The following MPRIP variants were observed in gnomAD, a reference collection of about 807,000 sequenced individuals.
MPRIP encodes myosin phosphatase Rho interacting protein.
A neutral mutation model predicts 234.9 loss-of-function variants in MPRIP; 59 were observed. That is an observed-to-expected ratio of 0.25 (90% CI 0.20 to 0.31). The LOEUF (loss-of-function observed/expected upper bound fraction) is 0.31, where lower values mean the gene tolerates loss of function less well. MPRIP is among the 10% of genes least tolerant of loss of function. The pLI is 1.00. For missense variants in MPRIP, 2,436 were observed against 3,071.0 expected (o/e 0.79, Z 4.89); for synonymous variants, 1,144 against 1,263.9 (o/e 0.91, Z 2.01).
chr17:17,166,305 G>A lies in MPRIP; in HGVS notation c.4714G>A (p.Glu1572Lys). The A allele has an allele frequency of 7.7e-7, 1 of 1,304,430 alleles. No individual in the cohort carries two copies. The highest frequency in any genetic ancestry group is 1.2e-5 in the South Asian group (1 of 81,028). 80.8% of individuals were successfully genotyped at this position (1,304,430 alleles called of 1,614,324 possible). The part of the protein sequence containing the change: ...VRLLSDQIAL[E>K]ASLISQIADS... ...GCTTCTTTCTGACCAGATTGCTCTG[G>A]AGGCCTCGCTGATCAGCCAGATAGC... The change falls in exon 16 of 24, where the codon GAG becomes AAG. Residue 1572 changes from glutamate to lysine, a missense_variant. Transcript: ENST00000651222. This position sits in a 1 kb window ranked among gnomAD's most constrained non-coding sequence, Gnocchi z 4.4.
chr17:17,088,616 C>G (rs2089645148), intron 3 of MPRIP, among the ~76,000 whole-genome samples: 1 of 152,152 alleles, frequency 6.6e-6, no homozygotes, highest in African/African-American at 2.4e-5. Flanking sequence ...ACTGCAAAGT[C>G]CCCCAGGGGC....
intron 15 of MPRIP, among the ~76,000 whole-genome samples, 182 bp from the exon 16 acceptor site, chr17:17,163,927 C>T (rs1310092798): frequency 3.9e-5 from 3 of 77,872 alleles, no homozygotes; most frequent in African/African-American, 6.5e-5. Context: ...CAGCTACTTA[C>T]TAAAAAAAAA....
intron 19 of MPRIP, among the ~76,000 whole-genome samples, chr17:17,174,979 CT>C (rs1158309944): frequency 1.3e-5 from 2 of 152,170 alleles, no homozygotes; most frequent in African/African-American, 4.8e-5. Flanking sequence ...AACATAGTCC[CT>C]TTCTCACCTG....
At chr17:17,066,293 T>A (rs2089022847) in intron 1 of MPRIP, among the ~76,000 whole-genome samples, 1 of 152,216 alleles carries the variant, frequency 6.6e-6, no homozygotes, top group Non-Finnish European at 1.5e-5. Flanking sequence ...TTTTATGAAA[T>A]TGAGCAAGTT....
intron 1 of MPRIP, among the ~76,000 whole-genome samples, chr17:17,050,863 C>G (rs986542772): frequency 2.0e-5 from 3 of 152,222 alleles, no homozygotes; most frequent in Non-Finnish European, 4.4e-5. Context: ...GGCGTATCCC[C>G]CTCTAAACTG....
At chr17:17,064,030 T>C (rs1051614088) in intron 1 of MPRIP, among the ~76,000 whole-genome samples, 1 of 151,972 alleles carries the variant, frequency 6.6e-6, no homozygotes, top group African/African-American at 2.4e-5. Flanking sequence ...AGAGAAGGGA[T>C]GTGGGTGGCC....
chr17:17,069,281 CTT>C (rs1245019807), intron 1 of MPRIP, among the ~76,000 whole-genome samples: 16 of 152,072 alleles, frequency 1.1e-4, no homozygotes, highest in Middle Eastern at 3.4e-3. Context: ...GGATGTATCA[CTT>C]TTAGTTTTTT....
Position 17,176,476 on chromosome 17 carries a change from T to G in MPRIP, c.6921T>G (p.Ile2307Met). 6.2e-7 allele frequency: 1 copy of G among 1,614,140 alleles called. No homozygotes were observed. Among genetic ancestry groups the G allele is most frequent in the Non-Finnish European group, 8.5e-7 (1 of 1,180,008 alleles). The change falls in exon 21 of 24, where the codon ATT becomes ATG. Residue 2307 changes from isoleucine (I) to methionine (M), a missense_variant. Physicochemically the swap from Ile to Met is conservative, Grantham distance 10. Coordinates refer to ENST00000651222, the MANE Select transcript of MPRIP (RefSeq NM_001364716.4). Reference protein sequence around the residue: ...ESEIQYLKQEISSLKDELQTA... With the variant: ...ESEIQYLKQEMSSLKDELQTA... ...AAATACAGTACCTGAAACAGGAGAT[T>G]AGCTCCCTCAAGGATGAGCTGCAGA... is the stretch of plus-strand genomic sequence containing the variant.
intron 12 of MPRIP, among the ~76,000 whole-genome samples, chr17:17,150,697 CAA>C (rs35336436): frequency 6.5e-4 from 48 of 73,450 alleles, no homozygotes; most frequent in Admixed American, 1.4e-3. Flanking sequence ...GCACTGTTCT[CAA>C]AAAAAAAAAA....
rs2045388911 is a variant in MPRIP at position 17,143,673 on chromosome 17, A to T, written c.1503+4A>T. Reference sequence around the variant, plus strand: ...GTCCACGGAGCCCTCCGTGACGGTGAGCCCAGGCGCCGCGTCCTCCGGAGG... The same window carrying T: ...GTCCACGGAGCCCTCCGTGACGGTGTGCCCAGGCGCCGCGTCCTCCGGAGG... On this transcript the variant is annotated splice_donor_region_variant and intron_variant, in intron 9 of 23. Coordinates refer to ENST00000651222, the MANE Select transcript of MPRIP (RefSeq NM_001364716.4). 1 of 1,586,538 alleles carries T rather than the reference A, an allele frequency of 6.3e-7. No individual in the cohort carries two copies. The highest frequency in any genetic ancestry group is 1.1e-5 in the South Asian group (1 of 87,150).
rs1228754703 is a variant in MPRIP, at chr17:17,172,819, A to G, written c.6590+4A>G. Reference sequence around the variant, plus strand: ...AGGCCCTGCGGCGCCAGTACCTGTAAGTGGCTGGGCCTGCCCATCTGCCCT... The same window carrying G: ...AGGCCCTGCGGCGCCAGTACCTGTAGGTGGCTGGGCCTGCCCATCTGCCCT... On this transcript the variant is annotated splice_donor_region_variant and intron_variant, in intron 18 of 23. Coordinates refer to ENST00000651222, the MANE Select transcript of MPRIP (RefSeq NM_001364716.4). 6.2e-7 allele frequency: 1 copy of G among 1,610,846 alleles called. No individual in the cohort carries two copies. Among genetic ancestry groups the G allele is most frequent in the Non-Finnish European group, 8.5e-7 (1 of 1,179,170 alleles).
At position 17,138,123 on chromosome 17, in the gene MPRIP, CT is replaced by C; in HGVS notation, c.946del (p.Ser316ProfsTer106). On this transcript the variant is annotated frameshift_variant, in exon 7 of 24. Transcript: ENST00000651222. LOFTEE classifies it high-confidence loss of function. This position sits in a 1 kb window ranked among gnomAD's most constrained non-coding sequence, Gnocchi z 5.8. ...SPSQELGGPL[P>X]SPGPRLPHQM... is the part of the protein sequence containing the mutation. ...TCCCAGGAGCTCGGTGGTCCTCTTC[CT>C]TCCCCAGGTCCTCGACTCCCCCACC... 1 of 1,503,100 alleles carries C rather than the reference CT, an allele frequency of 6.7e-7. No homozygotes were observed. Among genetic ancestry groups the C allele is most frequent in the Non-Finnish European group, 9.0e-7 (1 of 1,113,532 alleles). The allele number at this position is 1,503,100 out of a possible 1,614,324, so 93.1% of individuals were successfully genotyped here. A position where few individuals can be genotyped will look rare whatever the true frequency, so the allele number is the denominator to read the frequency against.
At chr17:17,096,660 C>G in intron 3 of MPRIP, 1 of 434,548 alleles carries the variant, frequency 2.3e-6, no homozygotes, top group South Asian at 1.7e-5. Flanking sequence ...GGTTCCACAG[C>G]TGATACTCCG....
intron 15 of MPRIP, 75 bp downstream of exon 15, chr17:17,161,431 T>C: frequency 1.8e-6 from 2 of 1,108,168 alleles, no homozygotes; most frequent in Non-Finnish European, 2.5e-6. Flanking sequence ...TCAGGCAGGC[T>C]AGGAGTGTGC....
At chr17:17,064,506 A>T (rs549654787) in intron 1 of MPRIP, among the ~76,000 whole-genome samples, 23 of 152,170 alleles carry the variant, frequency 1.5e-4, no homozygotes, top group Non-Finnish European at 2.6e-4. Flanking sequence ...CGGCTGGGAT[A>T]CTGACTACAA....
chr17:17,042,872 G>C lies in MPRIP; in HGVS notation c.24G>C (p.Pro8=). The C allele has an allele frequency of 1.2e-6, 2 of 1,601,918 alleles. No homozygotes were observed. The highest frequency in any genetic ancestry group is 1.7e-6 in the Non-Finnish European group (2 of 1,174,956). MSAAKEN[P]CRKFQANIFN... ...CCATGTCGGCAGCCAAGGAGAACCC[G>C]TGCAGGAAATTCCAGGCCAACATCT... The change falls in exon 1 of 24, where the codon CCG becomes CCC. Residue 8 remains proline, a synonymous_variant. Transcript: ENST00000651222.
chr17:17,110,877 A>G (rs930060374), intron 3 of MPRIP, among the ~76,000 whole-genome samples: 1 of 152,170 alleles, frequency 6.6e-6, no homozygotes, highest in African/African-American at 2.4e-5. Context: ...AGGACACTTA[A>G]TGTGATGTGG....
intron 23 of MPRIP, chr17:17,181,423 C>T (rs1223152861): frequency 6.6e-6 from 1 of 152,448 alleles, no homozygotes; most frequent in Non-Finnish European, 1.5e-5. Context: ...CCCCGCCGTC[C>T]GAAGGACTTC....
At chr17:17,180,596 TC>T (rs751029482) in intron 23 of MPRIP, 6 of 1,612,782 alleles carry the variant, frequency 3.7e-6, no homozygotes, top group Non-Finnish European at 5.1e-6. Flanking sequence ...GTCTGCTCTC[TC>T]CTCTGACAGT....
Sources: allele counts gnomAD v4.1 joint callset (sites outside exome capture counted in the v4.1 genomes callset), GRCh38; gene constraint gnomAD v4.1.1; non-coding constraint Gnocchi (gnomAD v3.1); transcripts MANE v1.5; gene names NCBI Gene and HGNC (gene_info 2026-07-23, HGNC 2026-07-21).